RANBP17: variants seen among roughly 807,000 people sequenced by gnomAD.
RANBP17 encodes ran-binding protein 17.
In RANBP17, 158 loss-of-function variants were observed where a neutral mutation model predicts 141.2. The ratio of observed to expected loss-of-function variants is 1.12; its 90% CI spans 0.98 to 1.28. The LOEUF (loss-of-function observed/expected upper bound fraction) is 1.28. Among genes scored for constraint, RANBP17 ranks in the 50% most tolerant of loss-of-function variants. RANBP17 has a pLI of 0.00. For synonymous variants in RANBP17, 430 were observed against 450.0 expected (o/e 0.96, Z 0.56); for missense variants, 1,438 against 1,290.7 (o/e 1.11, Z -1.75).
intron 4 of RANBP17, among the ~76,000 whole-genome samples, chr5:170,893,120 C>T (rs1769793309): frequency 1.3e-5 from 2 of 151,828 alleles, no homozygotes; most frequent in Non-Finnish European, 2.9e-5. Context: ...CAAATAGGTA[C>T]AGCTATTATA....
chr5:171,119,573 C>G (rs1755874779), intron 14 of RANBP17, among the ~76,000 whole-genome samples: 2 of 152,168 alleles, frequency 1.3e-5, no homozygotes, highest in Non-Finnish European at 1.5e-5. Flanking sequence ...TGGCTCAGAT[C>G]TTAGAGGAAA....
intron 14 of RANBP17, among the ~76,000 whole-genome samples, chr5:171,065,056 G>A (rs1281154582): frequency 6.6e-6 from 1 of 151,858 alleles, no homozygotes. Flanking sequence ...TCATAGTTAG[G>A]AACCCTTTCC....
intron 14 of RANBP17, among the ~76,000 whole-genome samples, chr5:171,040,290 A>G (rs186068420): frequency 2.6e-5 from 4 of 152,264 alleles, no homozygotes; most frequent in Non-Finnish European, 4.4e-5. Context: ...ATAGATGGGG[A>G]AAAAGCTTTT....
chr5:171,081,889 T>TA (rs1785277491), intron 14 of RANBP17, among the ~76,000 whole-genome samples: 1 of 152,138 alleles, frequency 6.6e-6, no homozygotes. Context: ...GAATCTGTTT[T>TA]AGAGCAGTCA....
At chr5:170,981,046 T>A (rs1490837447) in intron 14 of RANBP17, among the ~76,000 whole-genome samples, 1 of 152,250 alleles carries the variant, frequency 6.6e-6, no homozygotes, top group African/African-American at 2.4e-5. Flanking sequence ...GAGATCATTT[T>A]GGAGCTTTAA....
At chr5:171,289,589 A>G (rs1409816254) in intron 25 of RANBP17, among the ~76,000 whole-genome samples, 1 of 152,060 alleles carries the variant, frequency 6.6e-6, no homozygotes, top group East Asian at 1.9e-4. Context: ...AAATCAAACC[A>G]TTAGCCAAGT....
intron 14 of RANBP17, chr5:170,983,253 G>T: frequency 3.5e-6 from 1 of 282,142 alleles, no homozygotes. Context: ...AAGGTCATAG[G>T]TGTTTTGTTT....
intron 18 of RANBP17, among the ~76,000 whole-genome samples, chr5:171,195,093 C>G (rs1761890371): frequency 6.6e-6 from 1 of 152,138 alleles, no homozygotes. Context: ...TGAGAACTTA[C>G]AATGTTATGT....
In RANBP17 at chr5:170,968,243, G is replaced by A; in HGVS notation, c.1576G>A (p.Val526Ile). 1.3e-6 allele frequency: 2 copies of A among 1,557,506 alleles called. No individual in the cohort carries two copies. Among genetic ancestry groups the A allele is most frequent in the South Asian group, 2.5e-5 (2 of 80,786 alleles). ...TTTTTTTATTTTCCCTTCATGAAGA[G>A]TTTTTCAGCTTATATCTTTAATGGA... is the stretch of plus-strand genomic sequence containing the variant. ...DAMDGELSCRVFQLISLMDTG... is the reference protein window; with the variant it reads ...DAMDGELSCRIFQLISLMDTG... The change falls in exon 14 of 28, where the codon GTT (valine) becomes ATT (isoleucine). Residue 526 changes from valine to isoleucine, a missense_variant and splice_region_variant. Transcript: ENST00000523189.
At position 171,183,330 on chromosome 5, in the gene RANBP17, C is replaced by A. The variant is rs1238075787; in HGVS notation, c.1938C>A (p.His646Gln). ...TCTTTTGCTTTCATTAGAGTGAACA[C>A]TTCCCTTTTCTTGGCATCAGTGACA... ...KFMLKNHTSE[H>Q]FPFLGISDNH... The change falls in exon 18 of 28, where the codon CAC (histidine) becomes CAA (glutamine). Residue 646 changes from histidine to glutamine, a missense_variant. Transcript: ENST00000523189. The A allele has an allele frequency of 6.2e-7, 1 of 1,613,472 alleles. No individual in the cohort carries two copies. The highest frequency in any genetic ancestry group is 1.3e-5 in the African/African-American group (1 of 74,926).
At chr5:171,155,094 A>AAAATATATATATATATATAT (rs34090443) in intron 14 of RANBP17, among the ~76,000 whole-genome samples, 8 of 74,962 alleles carry the variant, frequency 1.1e-4, no homozygotes, top group African/African-American at 4.2e-4. Context: ...AAAAAAAAAA[A>AAAATATATATATATATATAT]ATATATATAT....
At chr5:170,929,483 C>A (rs1181746530) in intron 12 of RANBP17, among the ~76,000 whole-genome samples, 1 of 152,020 alleles carries the variant, frequency 6.6e-6, no homozygotes, top group Non-Finnish European at 1.5e-5. Context: ...ATTCAAATGA[C>A]TTTTTTCCTT....
At chr5:171,001,302 A>G (rs957007613) in intron 14 of RANBP17, among the ~76,000 whole-genome samples, 32 of 152,268 alleles carry the variant, frequency 2.1e-4, no homozygotes, top group Admixed American at 1.8e-3. Context: ...GTTTTGTATG[A>G]ATTGAGAAAC....
chr5:171,165,802 G>T (rs1369631815), intron 14 of RANBP17, among the ~76,000 whole-genome samples: 1 of 152,122 alleles, frequency 6.6e-6, no homozygotes, highest in Non-Finnish European at 1.5e-5. Flanking sequence ...GTAACAGGCT[G>T]GCAAGGTTTC....
chr5:171,193,076 A>G (rs1029604707), intron 18 of RANBP17, among the ~76,000 whole-genome samples: 6 of 152,176 alleles, frequency 3.9e-5, no homozygotes, highest in African/African-American at 1.4e-4. Context: ...GAGATTGCCC[A>G]TTGTTACTTG....
intron 22 of RANBP17, among the ~76,000 whole-genome samples, chr5:171,233,725 G>GC (rs1166054286): frequency 6.6e-6 from 1 of 152,206 alleles, no homozygotes; most frequent in African/African-American, 2.4e-5. Flanking sequence ...CTCAGTGGCT[G>GC]CCAGTGGTTA....
intron 18 of RANBP17, among the ~76,000 whole-genome samples, chr5:171,189,610 T>C (rs946697153): frequency 9.3e-5 from 14 of 150,978 alleles, no homozygotes; most frequent in African/African-American, 3.4e-4. Context: ...GCTCTGATCA[T>C]TGGCCTCTCC....
chr5:171,063,939 ACTCCGTGGGCGTAGGACC>A (rs1162311696), intron 14 of RANBP17, among the ~76,000 whole-genome samples: 7 of 152,032 alleles, frequency 4.6e-5, no homozygotes, highest in South Asian at 4.2e-4. Flanking sequence ...AGTCAGCGAG[ACTCCGTGGGCGTAGGACC>A]CTCCAAGCCA....
intron 1 of RANBP17, among the ~76,000 whole-genome samples, chr5:170,867,831 C>T (rs1250030165): frequency 3.3e-5 from 5 of 152,098 alleles, no homozygotes; most frequent in African/African-American, 1.2e-4. Context: ...GTGAAATTGT[C>T]ACCAAAATCA....
Sources: allele counts gnomAD v4.1 joint callset (sites outside exome capture counted in the v4.1 genomes callset), GRCh38; gene constraint gnomAD v4.1.1; transcripts MANE v1.5; gene names NCBI Gene and HGNC (gene_info 2026-07-23, HGNC 2026-07-21).